Variants in IGSF21 observed in about 807,000 individuals in gnomAD.
The protein encoded by IGSF21 is immunoglobulin superfamily member 21.
IGSF21 carries 28 observed loss-of-function variants against 46.8 expected under a neutral mutation model. The ratio of observed to expected loss-of-function variants is 0.60; its 90% CI spans 0.44 to 0.82. The LOEUF is 0.82. IGSF21 is among the 40% of genes least tolerant of loss of function. The pLI, the probability that IGSF21 is intolerant of heterozygous loss-of-function variation, is 0.00. For synonymous variants in IGSF21, 284 were observed against 273.6 expected, an observed-to-expected ratio of 1.04 and a Z score of -0.38; for missense variants, 624 against 665.5, an observed-to-expected ratio of 0.94 and a Z score of 0.69.
intron 1 of IGSF21, among the ~76,000 whole-genome samples, chr1:18,166,393 G>A (rs761771621): frequency 1.3e-5 from 2 of 152,108 alleles, no homozygotes; most frequent in Non-Finnish European, 2.9e-5. Flanking sequence ...GGGCTTTGGA[G>A]TCACTTTGAC....
intron 3 of IGSF21, among the ~76,000 whole-genome samples, chr1:18,319,456 T>C (rs1175640301): frequency 1.3e-5 from 2 of 152,262 alleles, no homozygotes; most frequent in African/African-American, 2.4e-5. Context: ...ACTATTACTA[T>C]GAAAAGAAGC....
At chr1:18,324,766 C>A (rs472714) in intron 3 of IGSF21, among the ~76,000 whole-genome samples, 17,630 of 152,094 alleles carry the variant, frequency 0.12, 2,600 homozygotes, top group African/African-American at 0.34. Flanking sequence ...ATGGCCCCAC[C>A]CCTCCCGGAG....
At position 18,295,562 on chromosome 1, in the gene IGSF21, G is replaced by A. The variant is rs184985130; in HGVS notation, c.305+3575G>A. On this transcript the variant is annotated intron_variant, in intron 3 of 9. Coordinates refer to ENST00000251296, the MANE Select transcript of IGSF21 (RefSeq NM_032880.5). Reference sequence around the variant, plus strand: ...GATGCTGGGTGCCATTTAGATGGGTGGTCAGGCAGGGCCATCGAGGAAGGT... The same window carrying A: ...GATGCTGGGTGCCATTTAGATGGGTAGTCAGGCAGGGCCATCGAGGAAGGT... Among the ~76,000 whole-genome samples the A allele has an allele frequency of 3.9e-5, 6 of 152,310 alleles. No individual in the cohort carries two copies. In the South Asian group the frequency reaches 1.0e-3, roughly 26 times the overall value.
At chr1:18,361,914 G>A (rs1305083105) in intron 4 of IGSF21, 1 of 573,644 alleles carries the variant, frequency 1.7e-6, no homozygotes, top group Non-Finnish European at 3.1e-6. Context: ...GCTCCAGGAG[G>A]GGAGGGCTCT....
intron 3 of IGSF21, among the ~76,000 whole-genome samples, chr1:18,313,430 T>C (rs1407736921): frequency 6.6e-6 from 1 of 152,238 alleles, no homozygotes; most frequent in Non-Finnish European, 1.5e-5. Flanking sequence ...AAGTCACTCA[T>C]CTCTCCATGC....
In IGSF21 at chr1:18,376,352, C is replaced by A; in HGVS notation, c.1058C>A (p.Ala353Asp). Residue 353 changes from alanine (A) to aspartate (D), a missense_variant, in exon 7 of 10, where the codon GCC (alanine) becomes GAC (aspartate). By Grantham distance (126) the Ala-to-Asp change is moderately radical. Coordinates refer to ENST00000251296, the MANE Select transcript of IGSF21 (RefSeq NM_032880.5). ...GPKIVMTPSR[A>D]RVGDTVRILV... ...AAAATTGTGATGACGCCCAGCAGAGCCCGGGTAGGGGACACAGTGAGGATT... is the reference window on the plus strand; with the variant it reads ...AAAATTGTGATGACGCCCAGCAGAGACCGGGTAGGGGACACAGTGAGGATT... The A allele has an allele frequency of 6.2e-7, 1 of 1,614,048 alleles. No homozygotes were observed. The highest frequency in any genetic ancestry group is 8.5e-7 in the Non-Finnish European group (1 of 1,179,958).
At chr1:18,265,554 G>A (rs954222448) in intron 2 of IGSF21, among the ~76,000 whole-genome samples, 5 of 152,100 alleles carry the variant, frequency 3.3e-5, no homozygotes, top group Non-Finnish European at 7.4e-5. Flanking sequence ...TGCATCCTTG[G>A]GGAGCCCCTT....
chr1:18,108,379 T>G (rs1319208158), intron 1 of IGSF21, among the ~76,000 whole-genome samples, 181 bp downstream of exon 1: 2 of 151,888 alleles, frequency 1.3e-5, no homozygotes, highest in Non-Finnish European at 2.9e-5. Context: ...AGAGCGCTCA[T>G]GGATTTGTGC....
Position 18,107,904 on chromosome 1 carries a change from G to C in IGSF21, c.-225G>C, listed in dbSNP as rs1382628336. On this transcript the variant is annotated 5_prime_UTR_variant, in exon 1 of 10. Coordinates refer to ENST00000251296, the MANE Select transcript of IGSF21 (RefSeq NM_032880.5). ...CCGCGGCGAGCCCCGAGGACGCCCA[G>C]AGCGCGAGGGTCGCTGCGCCTCGCA... 5 of 177,190 alleles carry C rather than the reference G, an allele frequency of 2.8e-5. No homozygotes were observed. Among genetic ancestry groups the C allele is most frequent in the Admixed American group, 1.2e-4 (2 of 16,126 alleles). 11.0% of individuals were successfully genotyped at this position (177,190 alleles called of 1,614,324 possible).
chr1:18,125,162 G>A (rs1000344905), intron 1 of IGSF21, among the ~76,000 whole-genome samples: 1 of 152,184 alleles, frequency 6.6e-6, no homozygotes, highest in East Asian at 1.9e-4. Context: ...TGAAGACACA[G>A]CACTCCCAGC....
rs376852038 is a variant in IGSF21 at position 18,203,827 on chromosome 1, G to A, written c.71-24071G>A. Among the ~76,000 whole-genome samples, 3 of 152,302 alleles carry A rather than the reference G, an allele frequency of 2.0e-5. No homozygotes were observed. The East Asian group carries it at 5.8e-4, about 29-fold the overall frequency. On this transcript the variant is annotated intron_variant, in intron 1 of 9. Coordinates refer to ENST00000251296, the MANE Select transcript of IGSF21 (RefSeq NM_032880.5). ...AAAGAGCTAGATGGTAAACATTTTAGGCTTTGTAGTCCACAGGGCAAAATC... is the reference window on the plus strand; with the variant it reads ...AAAGAGCTAGATGGTAAACATTTTAAGCTTTGTAGTCCACAGGGCAAAATC...
At chr1:18,373,124 A>G (rs760968692) in intron 6 of IGSF21, among the ~76,000 whole-genome samples, 1 of 152,102 alleles carries the variant, frequency 6.6e-6, no homozygotes, top group Non-Finnish European at 1.5e-5. Context: ...TTTTCAGAGT[A>G]TTTCCTCAAG....
chr1:18,283,304 G>A (rs1557623978), intron 2 of IGSF21, among the ~76,000 whole-genome samples: 1 of 152,236 alleles, frequency 6.6e-6, no homozygotes, highest in South Asian at 2.1e-4. Context: ...AGAAACCGGG[G>A]CCCACAAGGG....
intron 9 of IGSF21, among the ~76,000 whole-genome samples, chr1:18,377,822 C>T (rs1243742097): frequency 6.6e-6 from 1 of 152,198 alleles, no homozygotes; most frequent in Non-Finnish European, 1.5e-5. Context: ...CGTTCTGAGA[C>T]TCCAGACCAC....
At chr1:18,320,690 C>T (rs2085592904) in intron 3 of IGSF21, among the ~76,000 whole-genome samples, 1 of 152,214 alleles carries the variant, frequency 6.6e-6, no homozygotes, top group Non-Finnish European at 1.5e-5. Flanking sequence ...GAGAGATCTC[C>T]AGCCATTCTC....
chr1:18,183,239 T>C (rs1256786754), intron 1 of IGSF21, among the ~76,000 whole-genome samples: 1 of 152,188 alleles, frequency 6.6e-6, no homozygotes, highest in Non-Finnish European at 1.5e-5. Context: ...TTATAGAATA[T>C]AATAAAATAA....
chr1:18,239,269 T>C (rs1289035949), intron 2 of IGSF21, among the ~76,000 whole-genome samples: 3 of 151,982 alleles, frequency 2.0e-5, no homozygotes, highest in Non-Finnish European at 4.4e-5. Flanking sequence ...AGAACATGAC[T>C]GAAATGAGGG....
intron 3 of IGSF21, among the ~76,000 whole-genome samples, chr1:18,308,274 C>T (rs1017991278): frequency 6.6e-6 from 1 of 152,216 alleles, no homozygotes; most frequent in African/African-American, 2.4e-5. Context: ...TGGCTCCTCT[C>T]CCTGGCCAGC....
intron 1 of IGSF21, among the ~76,000 whole-genome samples, chr1:18,131,035 G>T (rs1174548751): frequency 1.3e-5 from 2 of 152,234 alleles, no homozygotes; most frequent in African/African-American, 2.4e-5. Flanking sequence ...AGCCAGGCCC[G>T]AGGGAGCTGC....
Sources: gnomAD v4.1 joint callset for allele counts (sites outside exome capture counted in the v4.1 genomes callset) on GRCh38, gnomAD v4.1.1 for gene constraint, MANE v1.5 for transcripts, NCBI Gene and HGNC (gene_info 2026-07-23, HGNC 2026-07-21) for gene names.